DYNC1LI1: variants seen among roughly 807,000 people sequenced by gnomAD.
The protein encoded by DYNC1LI1 is cytoplasmic dynein 1 light intermediate chain 1.
In DYNC1LI1, 19 loss-of-function variants were observed where a neutral mutation model predicts 63.8. The observed-to-expected ratio is 0.30, with a 90% CI of 0.21 to 0.44. DYNC1LI1 has a LOEUF of 0.44. Among genes scored for constraint, DYNC1LI1 ranks in the 20% least tolerant of loss-of-function variants. DYNC1LI1 has a pLI of 1.00. For synonymous variants in DYNC1LI1, 225 were observed against 232.3 expected, an observed-to-expected ratio of 0.97 and a Z score of 0.28; for missense variants, 565 against 630.2, an observed-to-expected ratio of 0.90 and a Z score of 1.11.
intron 5 of DYNC1LI1, among the ~76,000 whole-genome samples, chr3:32,539,489 A>C (rs1437950309): frequency 6.6e-6 from 1 of 152,082 alleles, no homozygotes; most frequent in Non-Finnish European, 1.5e-5. Context: ...GAACAGTAAA[A>C]ACACACACTT....
intron 8 of DYNC1LI1, chr3:32,532,128 G>C (rs991547047): frequency 6.6e-6 from 1 of 152,078 alleles, no homozygotes; most frequent in Non-Finnish European, 1.5e-5. Context: ...GGAAAGCAGT[G>C]TATCTTCTGG....
Position 32,570,364 on chromosome 3 carries a change from TC to T in DYNC1LI1, c.201del (p.Lys68ArgfsTer16). On this transcript the variant is annotated frameshift_variant, in exon 2 of 13. Transcript: ENST00000273130. LOFTEE classifies it high-confidence loss of function. ...CACTTACCCAGCAGTAGCACGTTCT[TC>T]CCCGCAGGGAGCTTGGAGCGCGAGC... Reference protein sequence around the residue: ...STRSRSKLPAGKNVLLLGEDG... With the variant: ...STRSRSKLPAXKNVLLLGEDG... 6.3e-7 allele frequency: 1 copy of T among 1,599,132 alleles called. No individual in the cohort carries two copies. The highest frequency in any genetic ancestry group is 8.5e-7 in the Non-Finnish European group (1 of 1,172,518).
intron 5 of DYNC1LI1, among the ~76,000 whole-genome samples, chr3:32,540,116 G>A (rs1031084951): frequency 3.3e-5 from 5 of 150,094 alleles, no homozygotes; most frequent in South Asian, 4.2e-4. Flanking sequence ...TGATCCACCC[G>A]CCTCAGCCTC....
chr3:32,539,789 C>T (rs773060185), intron 5 of DYNC1LI1, among the ~76,000 whole-genome samples: 33 of 151,874 alleles, frequency 2.2e-4, no homozygotes, highest in Admixed American at 3.9e-4. Flanking sequence ...CCCACCTCGA[C>T]CTCCCAAAAT....
Position 32,529,627 on chromosome 3 carries a change from G to C in DYNC1LI1, c.1219C>G (p.Arg407Gly). The change falls in exon 11 of 13, where the codon CGA becomes GGA. Residue 407 changes from arginine (R) to glycine (G), a missense_variant. Transcript: ENST00000273130. ...GATGATACAGATCTATTTGGTGTTCGTGGGGAGCCTCCTGGGACTCTTGGT... is the reference window on the plus strand; with the variant it reads ...GATGATACAGATCTATTTGGTGTTCCTGGGGAGCCTCCTGGGACTCTTGGT... ...ASPRVPGGSPRTPNRSVSSNV... is the reference protein window; with the variant it reads ...ASPRVPGGSPGTPNRSVSSNV... The C allele has an allele frequency of 6.2e-7, 1 of 1,608,916 alleles. No homozygotes were observed. Among genetic ancestry groups the C allele is most frequent in the East Asian group, 2.2e-5 (1 of 44,810 alleles).
chr3:32,529,412 T>C (rs1697666055), intron 11 of DYNC1LI1, 128 bp downstream of exon 11: 5 of 769,258 alleles, frequency 6.5e-6, no homozygotes, highest in Non-Finnish European at 7.7e-6. Flanking sequence ...AGATTATATA[T>C]CCATAGAGAC....
chr3:32,564,863 GA>G (rs1559445558), intron 2 of DYNC1LI1, among the ~76,000 whole-genome samples: 1 of 152,020 alleles, frequency 6.6e-6, no homozygotes, highest in African/African-American at 2.4e-5. Context: ...TCCTCACATA[GA>G]AAACCATACA....
At chr3:32,557,867 A>AC (rs1170722574) in intron 2 of DYNC1LI1, among the ~76,000 whole-genome samples, 3 of 152,238 alleles carry the variant, frequency 2.0e-5, no homozygotes, top group Non-Finnish European at 2.9e-5. Flanking sequence ...ACATACAATT[A>AC]CGCAAGTAGA....
At chr3:32,558,420 A>G (rs1250463212) in intron 2 of DYNC1LI1, among the ~76,000 whole-genome samples, 5 of 151,396 alleles carry the variant, frequency 3.3e-5, no homozygotes, top group Admixed American at 6.6e-5. Context: ...AAAAAAAAAA[A>G]AAAAAGAAAA....
At chr3:32,567,737 T>C (rs1486572978) in intron 2 of DYNC1LI1, among the ~76,000 whole-genome samples, 1 of 142,678 alleles carries the variant, frequency 7.0e-6, no homozygotes, top group Non-Finnish European at 1.5e-5. Context: ...AGAGTCTCGC[T>C]CTGTCACCCA....
At chr3:32,544,645 G>A (rs558642597) in intron 4 of DYNC1LI1, among the ~76,000 whole-genome samples, 2 of 151,544 alleles carry the variant, frequency 1.3e-5, no homozygotes, top group South Asian at 2.1e-4. Flanking sequence ...GCAGGTGCCC[G>A]TAATACCAGC....
chr3:32,540,525 CA>C (rs1697865602), intron 5 of DYNC1LI1, among the ~76,000 whole-genome samples: 2 of 151,406 alleles, frequency 1.3e-5, no homozygotes, highest in South Asian at 4.2e-4. Flanking sequence ...ACTAAAAATA[CA>C]AAAAATTAGG....
At chr3:32,539,974 C>G (rs529372217) in intron 5 of DYNC1LI1, among the ~76,000 whole-genome samples, 2 of 151,932 alleles carry the variant, frequency 1.3e-5, no homozygotes, top group East Asian at 1.9e-4. Context: ...ATGCCATTCT[C>G]CCGCTTCAGC....
At chr3:32,554,401 C>G (rs1360618299) in intron 2 of DYNC1LI1, among the ~76,000 whole-genome samples, 1 of 152,102 alleles carries the variant, frequency 6.6e-6, no homozygotes, top group African/African-American at 2.4e-5. Context: ...GATTATTTCC[C>G]CACCCTGTGA....
At chr3:32,546,552 AG>A (rs1697955633) in intron 2 of DYNC1LI1, among the ~76,000 whole-genome samples, 1 of 152,248 alleles carries the variant, frequency 6.6e-6, no homozygotes, top group Middle Eastern at 3.2e-3. Flanking sequence ...GAAACACCTT[AG>A]GTTTCAGGAA....
At chr3:32,539,599 A>C (rs922939772) in intron 5 of DYNC1LI1, among the ~76,000 whole-genome samples, 9 of 151,838 alleles carry the variant, frequency 5.9e-5, no homozygotes, top group African/African-American at 2.2e-4. Flanking sequence ...GCAGTGGCGC[A>C]ATCTCAGCTC....
chr3:32,560,524 A>G (rs1698175478), intron 2 of DYNC1LI1, among the ~76,000 whole-genome samples: 1 of 152,100 alleles, frequency 6.6e-6, no homozygotes, highest in African/African-American at 2.4e-5. Flanking sequence ...GCTACATAAT[A>G]CGGTACCTAG....
intron 7 of DYNC1LI1, 76 bp from the exon 8 acceptor site, chr3:32,533,173 AG>A (rs1697724874): frequency 6.9e-7 from 1 of 1,452,332 alleles, no homozygotes; most frequent in Non-Finnish European, 9.0e-7. Flanking sequence ...ATCATGTAAA[AG>A]GAATACTTTC....
intron 5 of DYNC1LI1, among the ~76,000 whole-genome samples, chr3:32,540,448 G>T (rs1452922876): frequency 6.6e-6 from 1 of 151,914 alleles, no homozygotes; most frequent in East Asian, 1.9e-4. Context: ...GGGAGGCCAA[G>T]GCGGGTGGGT....
Sources: gnomAD v4.1 joint callset for allele counts (sites outside exome capture counted in the v4.1 genomes callset) on GRCh38, gnomAD v4.1.1 for gene constraint, MANE v1.5 for transcripts, NCBI Gene and HGNC (gene_info 2026-07-23, HGNC 2026-07-21) for gene names.